ENOX1: variants seen among roughly 807,000 people sequenced by gnomAD.
The protein encoded by ENOX1 is candidate growth-related and time keeping constitutive hydroquinone (NADH) oxidase.
In ENOX1, 42 loss-of-function variants were observed where a neutral mutation model predicts 82.5. The observed-to-expected ratio is 0.51, with a 90% CI of 0.40 to 0.66. ENOX1 has a LOEUF of 0.66. ENOX1 is among the 30% of genes least tolerant of loss of function. The probability of loss-of-function intolerance (pLI) is 0.00; values close to 1 mark genes in which losing one functional copy is unlikely to be tolerated. For missense variants in ENOX1, 608 were observed against 811.6 expected, an observed-to-expected ratio of 0.75 and a Z score of 3.05; for synonymous variants, 271 against 282.2, an observed-to-expected ratio of 0.96 and a Z score of 0.40.
At chr13:43,737,306 G>A (rs1255058820) in intron 1 of ENOX1, among the ~76,000 whole-genome samples, 2 of 152,174 alleles carry the variant, frequency 1.3e-5, no homozygotes, top group Non-Finnish European at 2.9e-5. Flanking sequence ...ATCTAACATG[G>A]AGCACTAACA....
intron 9 of ENOX1, among the ~76,000 whole-genome samples, chr13:43,339,209 T>C (rs530928070): frequency 6.6e-6 from 1 of 152,364 alleles, no homozygotes; most frequent in Admixed American, 6.5e-5. Flanking sequence ...CTTTATGTTA[T>C]TATGAATGAC....
chr13:43,688,827 A>G (rs2086209937), intron 1 of ENOX1, among the ~76,000 whole-genome samples: 1 of 152,204 alleles, frequency 6.6e-6, no homozygotes, highest in Non-Finnish European at 1.5e-5. Context: ...TATACCTGAA[A>G]TATATCACCC....
In ENOX1 at chr13:43,740,546, G is replaced by A. The variant is rs995788420; in HGVS notation, c.-285+46106C>T. On this transcript the variant is annotated intron_variant, in intron 1 of 16. Coordinates refer to ENST00000690772, the MANE Select transcript of ENOX1 (RefSeq NM_001347969.2). ...TTTGTCACATAGGTAAACATGTCTC[G>A]TGGGGTTTTTTGTACAGATTATGTC... 1.1e-4 allele frequency among the ~76,000 whole-genome samples: 16 copies of A among 151,916 alleles called. No homozygotes were observed. In the South Asian group the frequency reaches 1.2e-3, roughly 12 times the overall value.
intron 2 of ENOX1, among the ~76,000 whole-genome samples, chr13:43,652,289 AC>A (rs1264948298): frequency 6.6e-6 from 1 of 152,186 alleles, no homozygotes; most frequent in Non-Finnish European, 1.5e-5. Context: ...TCTCATCCCT[AC>A]TTGAGCCCTT....
chr13:43,741,953 A>T (rs552557750), intron 1 of ENOX1, among the ~76,000 whole-genome samples: 1 of 152,326 alleles, frequency 6.6e-6, no homozygotes, highest in South Asian at 2.1e-4. Flanking sequence ...ATTCTTTTGC[A>T]TGTAGAGATT....
intron 1 of ENOX1, among the ~76,000 whole-genome samples, chr13:43,772,749 TAAAAAAAAAA>T (rs35359203): frequency 2.7e-5 from 3 of 112,100 alleles, no homozygotes; most frequent in East Asian, 4.9e-4. Context: ...ACTCTGTCTT[TAAAAAAAAAA>T]AAAAAAAAAA....
intron 2 of ENOX1, among the ~76,000 whole-genome samples, chr13:43,488,810 G>C (rs536704406): frequency 3.9e-5 from 6 of 152,278 alleles, no homozygotes; most frequent in African/African-American, 1.4e-4. Flanking sequence ...TAAGGAACAG[G>C]GTACTGGAAG....
chr13:43,744,059 G>A (rs1057262204), intron 1 of ENOX1, among the ~76,000 whole-genome samples: 4 of 152,134 alleles, frequency 2.6e-5, no homozygotes, highest in African/African-American at 9.7e-5. Flanking sequence ...CAAAACTGTT[G>A]CGTTGGTGAT....
rs558286792 is a variant in ENOX1 at position 43,599,629 on chromosome 13, G to A, written c.-219+67850C>T. Among the ~76,000 whole-genome samples, 17 of 152,040 alleles carry A rather than the reference G, an allele frequency of 1.1e-4. No individual in the cohort carries two copies. In the East Asian group the frequency reaches 3.0e-3, roughly 26 times the overall value. On this transcript the variant is annotated intron_variant, in intron 2 of 16. Transcript: ENST00000690772. ...GACTACAATTCCTGGGCAAGTTCTG[G>A]TGCTTTGTTGGGCCAAAAGTCAGTG...
intron 16 of ENOX1, among the ~76,000 whole-genome samples, chr13:43,223,487 C>T (rs912114673): frequency 6.6e-6 from 1 of 152,100 alleles, no homozygotes; most frequent in African/African-American, 2.4e-5. Flanking sequence ...ATGGGAAAAA[C>T]CGAGCTTCAG....
At chr13:43,489,076 G>C (rs555157621) in intron 2 of ENOX1, among the ~76,000 whole-genome samples, 1 of 152,236 alleles carries the variant, frequency 6.6e-6, no homozygotes, top group Non-Finnish European at 1.5e-5. Context: ...AAGGAGATTA[G>C]TATGGATAGA....
intron 2 of ENOX1, among the ~76,000 whole-genome samples, chr13:43,504,293 T>G (rs377287339): frequency 6.6e-6 from 1 of 151,732 alleles, no homozygotes; most frequent in African/African-American, 2.4e-5. Flanking sequence ...GAACTACCAC[T>G]GGATAGTAGA....
In ENOX1 at chr13:43,541,173, G is replaced by GTTTTTTT. The variant is rs553504525; in HGVS notation, c.-218-57028_-218-57022dup. On this transcript the variant is annotated intron_variant, in intron 2 of 16. Coordinates refer to ENST00000690772, the MANE Select transcript of ENOX1 (RefSeq NM_001347969.2). ...CTCCAACCTTACACTTCTTCCCTCT[G>GTTTTTTT]TTTTTTTTTTTTTTTTTTTTTTTTT... Among the ~76,000 whole-genome samples the GTTTTTTT allele has an allele frequency of 3.9e-4, 25 of 64,576 alleles. 3 individuals carry two copies. Among genetic ancestry groups the GTTTTTTT allele is most frequent in the African/African-American group, 1.1e-3 (22 of 20,118 alleles). The allele number at this position is 64,576 out of a possible 152,430, so 42.4% of individuals were successfully genotyped here.
chr13:43,244,447 CTG>C (rs1260659817), intron 14 of ENOX1, among the ~76,000 whole-genome samples: 1 of 152,122 alleles, frequency 6.6e-6, no homozygotes, highest in African/African-American at 2.4e-5. Context: ...GCAAAAATAA[CTG>C]TGGTTGTATT....
chr13:43,677,731 A>G (rs1263297190), intron 1 of ENOX1, among the ~76,000 whole-genome samples: 1 of 152,180 alleles, frequency 6.6e-6, no homozygotes, highest in Non-Finnish European at 1.5e-5. Context: ...TGACATAAGC[A>G]TTATTAAATG....
intron 14 of ENOX1, among the ~76,000 whole-genome samples, chr13:43,250,637 A>G (rs370757470): frequency 9.2e-5 from 14 of 152,330 alleles, no homozygotes; most frequent in Non-Finnish European, 8.8e-5. Context: ...ACCTCAGTTC[A>G]GTATAATTTG....
At chr13:43,216,554 A>G (rs963561670) in intron 16 of ENOX1, among the ~76,000 whole-genome samples, 3 of 152,132 alleles carry the variant, frequency 2.0e-5, no homozygotes, top group Non-Finnish European at 4.4e-5. Flanking sequence ...TATCTTCTCA[A>G]AGAGTTCCCT....
chr13:43,479,414 C>T (rs751058448), intron 3 of ENOX1, among the ~76,000 whole-genome samples: 7 of 152,138 alleles, frequency 4.6e-5, no homozygotes, highest in South Asian at 2.1e-4. Context: ...AGTAACTGAC[C>T]GGCCACCTTT....
Position 43,391,688 on chromosome 13 carries a change from A to G in ENOX1, c.208+20228T>C, listed in dbSNP as rs539762055. Among the ~76,000 whole-genome samples the G allele has an allele frequency of 9.2e-5, 14 of 152,168 alleles. No individual in the cohort carries two copies. The South Asian group carries it at 2.9e-3, about 32-fold the overall frequency. ...GGCTTCTACCACAAAAGCTTATTCC[A>G]ATTTGTCCTTATCTCTCCAACTTCA... is the stretch of plus-strand genomic sequence containing the variant. On this transcript the variant is annotated intron_variant, in intron 5 of 16. Transcript: ENST00000690772.
Sources: allele counts gnomAD v4.1 joint callset (sites outside exome capture counted in the v4.1 genomes callset), GRCh38; gene constraint gnomAD v4.1.1; transcripts MANE v1.5; gene names NCBI Gene and HGNC (gene_info 2026-07-23, HGNC 2026-07-21).